PPFIA3: variants seen among roughly 807,000 people sequenced by gnomAD.
PPFIA3 encodes the protein liprin-alpha-3.
In PPFIA3, 26 loss-of-function variants were observed where a neutral mutation model predicts 145.8. That is an observed-to-expected ratio of 0.18 (90% CI 0.13 to 0.25). The LOEUF is 0.25. Among genes scored for constraint, PPFIA3 ranks in the 10% least tolerant of loss-of-function variants. The pLI is 1.00. For missense variants in PPFIA3, 1,008 were observed against 1,587.8 expected, an observed-to-expected ratio of 0.63 and a Z score of 6.21; for synonymous variants, 645 against 661.4, an observed-to-expected ratio of 0.98 and a Z score of 0.38.
Position 49,149,903 on chromosome 19 carries a change from G to T in PPFIA3, c.3527-177G>T. ...ATAAATCCCACTCCCCCTTCCCAGG[G>T]CGGGAGTGAACTCGCCCAATGCGAG... On this transcript the variant is annotated intron_variant, in intron 28 of 29. Transcript: ENST00000334186. The surrounding 1 kb of genome is among the most constrained non-coding windows in gnomAD (Gnocchi z 5.7). 8.9e-7 allele frequency: 1 copy of T among 1,124,756 alleles called. No individual in the cohort carries two copies. The highest frequency in any genetic ancestry group is 1.2e-6 in the Non-Finnish European group (1 of 801,672). The allele number at this position is 1,124,756 out of a possible 1,614,324, so 69.7% of individuals were successfully genotyped here. A position where few individuals can be genotyped will look rare whatever the true frequency, so the allele number is the denominator to read the frequency against.
chr19:49,138,460 G>A, intron 16 of PPFIA3, 33 bp downstream of exon 16: 2 of 1,467,386 alleles, frequency 1.4e-6, no homozygotes, highest in Non-Finnish European at 1.8e-6. Flanking sequence ...AGCCTAGTAG[G>A]GGGATGGGGA....
At chr19:49,142,209 T>C (rs1211001515) in intron 20 of PPFIA3, 94 bp downstream of exon 20, 17 of 1,237,402 alleles carry the variant, frequency 1.4e-5, no homozygotes, top group African/African-American at 3.0e-5. Flanking sequence ...CGCACCCTGC[T>C]TCTAGCCCAG....
At position 49,130,251 on chromosome 19, in the gene PPFIA3, G is replaced by C; in HGVS notation, c.658-127G>C. 8.5e-7 allele frequency: 1 copy of C among 1,169,680 alleles called. No homozygotes were observed. The highest frequency in any genetic ancestry group is 1.2e-6 in the Non-Finnish European group (1 of 837,332). The allele number at this position is 1,169,680 out of a possible 1,614,324, so 72.5% of individuals were successfully genotyped here. A position where few individuals can be genotyped will look rare whatever the true frequency, so the allele number is the denominator to read the frequency against. ...TCTGTGACCTCCTTCACTGACCCCCGTGGACTCTGACCAGCATGATCCTTA... is the reference window on the plus strand; with the variant it reads ...TCTGTGACCTCCTTCACTGACCCCCCTGGACTCTGACCAGCATGATCCTTA... On this transcript the variant is annotated intron_variant, in intron 6 of 29. Transcript: ENST00000334186. This position sits in a 1 kb window ranked among gnomAD's most constrained non-coding sequence, Gnocchi z 4.5.
chr19:49,149,061 A>G lies in PPFIA3; in HGVS notation c.3178A>G (p.Thr1060Ala). 1 of 1,614,160 alleles carries G rather than the reference A, an allele frequency of 6.2e-7. No individual in the cohort carries two copies. The highest frequency in any genetic ancestry group is 8.5e-7 in the Non-Finnish European group (1 of 1,180,022). ...VSGLGLKEFA[T>A]NLTESGVHGA... ...CGGGCTGGGCCTGAAGGAATTTGCC[A>G]CGAACCTCACGGAGAGCGGGGTACA... Residue 1060 changes from threonine (T) to alanine (A), a missense_variant, in exon 26 of 30, where the codon ACG becomes GCG. Physicochemically the swap from Thr to Ala is moderately conservative, Grantham distance 58 (BLOSUM62 0). Around this residue, in one of 11 missense-constraint regions of PPFIA3, gnomAD observed 154 missense variants for 369.2 expected, o/e 0.42. Coordinates refer to ENST00000334186, the MANE Select transcript of PPFIA3 (RefSeq NM_003660.4). The surrounding 1 kb of genome is among the most constrained non-coding windows in gnomAD (Gnocchi z 5.7).
rs2041031125 is a variant in PPFIA3 at position 49,128,483 on chromosome 19, G to C, written c.342+15G>C. On this transcript the variant is annotated intron_variant, in intron 3 of 29. Coordinates refer to ENST00000334186, the MANE Select transcript of PPFIA3 (RefSeq NM_003660.4). The surrounding 1 kb of genome is among the most constrained non-coding windows in gnomAD (Gnocchi z 4.1). ...ACAACACGCGGGTGAGGGGTGTTGA[G>C]GGCGGGGCCTAAGTGGGGGCGGGGC... 1 of 1,607,314 alleles carries C rather than the reference G, an allele frequency of 6.2e-7. No individual in the cohort carries two copies. Among genetic ancestry groups the C allele is most frequent in the Admixed American group, 1.7e-5 (1 of 59,812 alleles).
In PPFIA3 at chr19:49,133,102, C is replaced by T; in HGVS notation, c.981C>T (p.Asp327=). The T allele has an allele frequency of 1.2e-6, 2 of 1,612,380 alleles. No homozygotes were observed. The highest frequency in any genetic ancestry group is 1.7e-6 in the Non-Finnish European group (2 of 1,179,520). ...CCACGTCTCTGCACGACGCCAACGA[C>T]AAACTGGAGAACGAGTTAGCTAGCA... is the stretch of plus-strand genomic sequence containing the variant. The part of the protein sequence containing the change: ...REATSLHDAN[D]KLENELASKE... The change falls in exon 8 of 30, where the codon GAC becomes GAT. Residue 327 remains aspartate (D), a synonymous_variant. Coordinates refer to ENST00000334186, the MANE Select transcript of PPFIA3 (RefSeq NM_003660.4). This position sits in a 1 kb window ranked among gnomAD's most constrained non-coding sequence, Gnocchi z 7.2.
Position 49,133,802 on chromosome 19 carries a change from G to A in PPFIA3, c.1168G>A (p.Glu390Lys). 5 of 1,613,438 alleles carry A rather than the reference G, an allele frequency of 3.1e-6. No homozygotes were observed. The highest frequency in any genetic ancestry group is 4.2e-6 in the Non-Finnish European group (5 of 1,180,008). ...CATGGGTTCCATCTCCTAGGCCGAG[G>A]AACGTCATGGGAATTTTGAGGAGCG... is the stretch of plus-strand genomic sequence containing the variant. Reference protein sequence around the residue: ...QRVAALNKAEERHGNFEERLR... With the variant: ...QRVAALNKAEKRHGNFEERLR... The change falls in exon 10 of 30, where the codon GAA becomes AAA. Residue 390 changes from glutamate to lysine, a missense_variant. Glu to Lys is a moderately conservative substitution (Grantham distance 56). Around this residue, in one of 11 missense-constraint regions of PPFIA3, gnomAD observed 109 missense variants for 198.1 expected, o/e 0.55. Transcript: ENST00000334186. This position sits in a 1 kb window ranked among gnomAD's most constrained non-coding sequence, Gnocchi z 7.2.
In PPFIA3 at chr19:49,136,740, C is replaced by T. The variant is rs138335092; in HGVS notation, c.1682C>T (p.Ala561Val). 24 of 1,543,962 alleles carry T rather than the reference C, an allele frequency of 1.6e-5. No individual in the cohort carries two copies. Among genetic ancestry groups the T allele is most frequent in the Admixed American group, 1.9e-5 (1 of 51,552 alleles). Residue 561 changes from alanine (A) to valine (V), a missense_variant, in exon 15 of 30, where the codon GCC (alanine) becomes GTC (valine). Transcript: ENST00000334186. ...CAGGGATAGGATTGGGAGCGGTCTG[C>T]CCCTGCGGGCTCCATACCACCCCCA... ...EEPSKDWERS[A>V]PAGSIPPPFP...
At chr19:49,143,030 C>T in intron 21 of PPFIA3, 26 bp downstream of exon 21, 1 of 1,593,222 alleles carries the variant, frequency 6.3e-7, no homozygotes, top group South Asian at 1.1e-5. Context: ...CCAATTCCAG[C>T]CTTCGCTTCC....
In PPFIA3 at chr19:49,128,263, G is replaced by T; in HGVS notation, c.241-104G>T. 1.3e-6 allele frequency: 2 copies of T among 1,507,688 alleles called. No individual in the cohort carries two copies. Among genetic ancestry groups the T allele is most frequent in the Non-Finnish European group, 1.8e-6 (2 of 1,091,504 alleles). The allele number at this position is 1,507,688 out of a possible 1,614,324, so 93.4% of individuals were successfully genotyped here. A position where few individuals can be genotyped will look rare whatever the true frequency, so the allele number is the denominator to read the frequency against. ...GGGCCTGAGTGGCAAGGGACAGCGG[G>T]ACTTAGCAGGGAGGGCGGGACCTTC... On this transcript the variant is annotated intron_variant, in intron 2 of 29. Coordinates refer to ENST00000334186, the MANE Select transcript of PPFIA3 (RefSeq NM_003660.4). The surrounding 1 kb of genome is among the most constrained non-coding windows in gnomAD (Gnocchi z 4.1).
At position 49,149,425 on chromosome 19, in the gene PPFIA3, C is replaced by A. The variant is rs953844533; in HGVS notation, c.3354+100C>A. 4.0e-5 allele frequency: 63 copies of A among 1,583,876 alleles called. No individual in the cohort carries two copies. The African/African-American group carries it at 8.1e-4, about 20-fold the overall frequency. ...GACTATTAATGGTCACGGTTGGAGG[C>A]GGGGCCAGGAGAGGGGCGGGGTTAA... is the stretch of plus-strand genomic sequence containing the variant. On this transcript the variant is annotated intron_variant, in intron 27 of 29. Coordinates refer to ENST00000334186, the MANE Select transcript of PPFIA3 (RefSeq NM_003660.4). The surrounding 1 kb of genome is among the most constrained non-coding windows in gnomAD (Gnocchi z 5.7).
At chr19:49,141,652 G>A in intron 19 of PPFIA3, 139 bp downstream of exon 19, 2 of 597,070 alleles carry the variant, frequency 3.3e-6, no homozygotes, top group African/African-American at 1.9e-5. Flanking sequence ...AGCGGTGGTG[G>A]TGGTGAACAG....
In PPFIA3 at chr19:49,138,373, C is replaced by T. The variant is rs1196405424; in HGVS notation, c.2022C>T (p.His674=). ...LASPSPPSSG[H]STPRLAPPSP... ...GCCCCTCCCCTCCCAGCTCTGGCCA[C>T]TCAACACCCCGCCTGGCACCCCCTA... is the stretch of plus-strand genomic sequence containing the variant. Residue 674 remains histidine (H), a synonymous_variant, in exon 16 of 30, where the codon CAC becomes CAT. Transcript: ENST00000334186. 8.1e-6 allele frequency: 13 copies of T among 1,599,712 alleles called. No homozygotes were observed. In the South Asian group the frequency reaches 1.4e-4, roughly 18 times the overall value.
chr19:49,136,566 G>C (rs566155072), intron 14 of PPFIA3, among the ~76,000 whole-genome samples, 158 bp from the exon 15 acceptor site: 174 of 152,144 alleles, frequency 1.1e-3, no homozygotes, highest in Non-Finnish European at 2.1e-3. Context: ...GCGACAGAAT[G>C]AGACTCTGTC....
Position 49,128,393 on chromosome 19 carries a change from G to C in PPFIA3, c.267G>C (p.Leu89=). Residue 89 remains leucine, a synonymous_variant, in exon 3 of 30, where the codon CTG becomes CTC. Transcript: ENST00000334186. The surrounding 1 kb of genome is among the most constrained non-coding windows in gnomAD (Gnocchi z 4.1). ...AGTTTGCAGCTCTGACGAAGGAGCT[G>C]AACTTATGTCGGGAGCAGCTGCTGG... ...PQEFAALTKE[L]NLCREQLLER... 6.2e-7 allele frequency: 1 copy of C among 1,613,620 alleles called. No individual in the cohort carries two copies. The highest frequency in any genetic ancestry group is 8.5e-7 in the Non-Finnish European group (1 of 1,179,842).
chr19:49,142,449 C>A (rs1485075359), intron 20 of PPFIA3, among the ~76,000 whole-genome samples: 5 of 152,066 alleles, frequency 3.3e-5, no homozygotes, highest in Non-Finnish European at 5.9e-5. Context: ...CCATATTTCT[C>A]CTCATGTCTC....
rs764398771 is a variant in PPFIA3 at position 49,146,022 on chromosome 19, G to A, written c.2808+17G>A. ...ACCAAGCCCGTGAGTGCCCCCTGCC[G>A]GCCGCCTTGGGGGTGGCACTAACCT... On this transcript the variant is annotated intron_variant, in intron 22 of 29. Coordinates refer to ENST00000334186, the MANE Select transcript of PPFIA3 (RefSeq NM_003660.4). 9 of 1,613,196 alleles carry A rather than the reference G, an allele frequency of 5.6e-6. No homozygotes were observed. The highest frequency in any genetic ancestry group is 7.6e-6 in the Non-Finnish European group (9 of 1,179,392).
In PPFIA3 at chr19:49,127,846, C is replaced by T; in HGVS notation, c.-15-13C>T. 6.3e-7 allele frequency: 1 copy of T among 1,588,166 alleles called. No homozygotes were observed. Among genetic ancestry groups the T allele is most frequent in the Non-Finnish European group, 8.5e-7 (1 of 1,176,836 alleles). On this transcript the variant is annotated splice_polypyrimidine_tract_variant and intron_variant, in intron 1 of 29. Coordinates refer to ENST00000334186, the MANE Select transcript of PPFIA3 (RefSeq NM_003660.4). ...ACAAGGCCGGTCTGTTCCTTGCCCT[C>T]CCCGCCCCGCAGGCCCGCACCGCCG...
Position 49,130,234 on chromosome 19 carries a change from C to A in PPFIA3, c.658-144C>A. 8.9e-7 allele frequency: 1 copy of A among 1,124,244 alleles called. No individual in the cohort carries two copies. The highest frequency in any genetic ancestry group is 1.3e-6 in the Non-Finnish European group (1 of 798,854). The allele number at this position is 1,124,244 out of a possible 1,614,324, so 69.6% of individuals were successfully genotyped here. Reference sequence around the variant, plus strand: ...AGGTCACCTAGCGAACTTCTGTGACCTCCTTCACTGACCCCCGTGGACTCT... The same window carrying A: ...AGGTCACCTAGCGAACTTCTGTGACATCCTTCACTGACCCCCGTGGACTCT... On this transcript the variant is annotated intron_variant, in intron 6 of 29. Coordinates refer to ENST00000334186, the MANE Select transcript of PPFIA3 (RefSeq NM_003660.4). The surrounding 1 kb of genome is among the most constrained non-coding windows in gnomAD (Gnocchi z 4.5).
Sources: allele counts gnomAD v4.1 joint callset (sites outside exome capture counted in the v4.1 genomes callset), GRCh38; gene constraint gnomAD v4.1.1; regional missense constraint gnomAD v4.1.1; non-coding constraint Gnocchi (gnomAD v3.1); transcripts MANE v1.5; gene names NCBI Gene and HGNC (gene_info 2026-07-23, HGNC 2026-07-21).